The following TSPAN3 variants were observed in gnomAD, a reference collection of about 807,000 sequenced individuals.
TSPAN3 encodes tetraspanin 3, also known as tetraspanin-3.
TSPAN3 carries 9 observed loss-of-function variants against 31.1 expected under a neutral mutation model. The ratio of observed to expected loss-of-function variants is 0.29; its 90% CI spans 0.17 to 0.50. The LOEUF is 0.50. Ranked by LOEUF, TSPAN3 falls within the 20% of genes least tolerant of loss-of-function variation. The probability of loss-of-function intolerance (pLI) is 0.98; values close to 1 mark genes in which losing one functional copy is unlikely to be tolerated. For missense variants in TSPAN3, 252 were observed against 313.5 expected (o/e 0.80, Z 1.48); for synonymous variants, 129 against 114.3 (o/e 1.13, Z -0.82).
At chr15:77,066,194 A>T (rs1281819685) in intron 1 of TSPAN3, among the ~76,000 whole-genome samples, 1 of 152,238 alleles carries the variant, frequency 6.6e-6, no homozygotes, top group Non-Finnish European at 1.5e-5. Context: ...CTCTTTGGTC[A>T]GATTAAATGA....
chr15:77,050,769 G>C (rs1009758516), intron 6 of TSPAN3, among the ~76,000 whole-genome samples: 13 of 152,148 alleles, frequency 8.5e-5, no homozygotes, highest in African/African-American at 3.1e-4. Context: ...ATCAAAATAT[G>C]AAATAAATCC....
chr15:77,070,994 GC>G lies in TSPAN3; in HGVS notation c.-41del. 7.3e-7 allele frequency: 1 copy of G among 1,369,396 alleles called. No homozygotes were observed. The highest frequency in any genetic ancestry group is 9.5e-7 in the Non-Finnish European group (1 of 1,051,506). 84.8% of individuals were successfully genotyped at this position (1,369,396 alleles called of 1,614,324 possible). A position where few individuals can be genotyped will look rare whatever the true frequency, so the allele number is the denominator to read the frequency against. On this transcript the variant is annotated 5_prime_UTR_variant, in exon 1 of 7. Coordinates refer to ENST00000267970, the MANE Select transcript of TSPAN3 (RefSeq NM_005724.6). ...GCGAAGGCCCGGCCCGGAGAGCGGG[GC>G]TGCGCTCACCGAGAGAGCGGCAATG...
chr15:77,068,027 G>T (rs1406676028), intron 1 of TSPAN3: 2 of 152,222 alleles, frequency 1.3e-5, no homozygotes, highest in African/African-American at 4.8e-5. Flanking sequence ...AGATGGGAAA[G>T]CTGTGAGGAT....
At chr15:77,051,397 G>A (rs1169408737) in intron 6 of TSPAN3, among the ~76,000 whole-genome samples, 4 of 151,808 alleles carry the variant, frequency 2.6e-5, no homozygotes, top group South Asian at 2.1e-4. Flanking sequence ...GCATGGTAGC[G>A]GGAACCTGTA....
At chr15:77,055,121 G>A (rs1475752294) in intron 3 of TSPAN3, 1 of 152,092 alleles carries the variant, frequency 6.6e-6, no homozygotes, top group Non-Finnish European at 1.5e-5. Context: ...AAACCATTAA[G>A]TTATAATGAG....
In TSPAN3 at chr15:77,052,386, T is replaced by G; in HGVS notation, c.668A>C (p.Gln223Pro). The G allele has an allele frequency of 6.2e-7, 1 of 1,614,132 alleles. No individual in the cohort carries two copies. The highest frequency in any genetic ancestry group is 8.5e-7 in the Non-Finnish European group (1 of 1,179,964). The change falls in exon 6 of 7, where the codon CAG becomes CCG. Residue 223 changes from glutamine (Q) to proline (P), a missense_variant and splice_region_variant. Transcript: ENST00000267970. ...IWAALAFAAI[Q>P]LLGMLCACIV... ...AACTCCTTGGCAAGCTGTGCTTACC[T>G]GAATAGCTGCAAATGCCAGTGCGGC...
At chr15:77,068,201 A>G (rs938858436) in intron 1 of TSPAN3, 10 of 152,182 alleles carry the variant, frequency 6.6e-5, no homozygotes, top group African/African-American at 2.4e-4. Flanking sequence ...ACTGTGACAC[A>G]TTTGCCCCCA....
rs961575043 is a variant in TSPAN3 at position 77,041,809 on chromosome 15, G to C, written c.*5026C>G. Reference sequence around the variant, plus strand: ...ACTAGATACAGGCAGTGGTTCTATAGCATGGTGAATGTACTCAAGGCAACT... The same window carrying C: ...ACTAGATACAGGCAGTGGTTCTATACCATGGTGAATGTACTCAAGGCAACT... On this transcript the variant is annotated 3_prime_UTR_variant, in exon 7 of 7. Coordinates refer to ENST00000267970, the MANE Select transcript of TSPAN3 (RefSeq NM_005724.6). The C allele has an allele frequency of 2.0e-5, 3 of 152,194 alleles. No homozygotes were observed. Among genetic ancestry groups the C allele is most frequent in the Non-Finnish European group, 4.4e-5 (3 of 68,040 alleles). 9.4% of individuals were successfully genotyped at this position (152,194 alleles called of 1,614,324 possible).
rs1361731820 is a variant in TSPAN3 at position 77,070,950 on chromosome 15, C to T, written c.5G>A (p.Gly2Asp). The T allele has an allele frequency of 2.1e-6, 3 of 1,437,968 alleles. No homozygotes were observed. The highest frequency in any genetic ancestry group is 2.8e-6 in the Non-Finnish European group (3 of 1,088,638). 89.1% of individuals were successfully genotyped at this position (1,437,968 alleles called of 1,614,324 possible). A position where few individuals can be genotyped will look rare whatever the true frequency, so the allele number is the denominator to read the frequency against. M[G>D]QCGITSSKTV... is the part of the protein sequence containing the mutation. Reference sequence around the variant, plus strand: ...CTTGGAGGAGGTGATGCCGCACTGGCCCATGGCGCCGGTGGCCCGCGAAGG... The same window carrying T: ...CTTGGAGGAGGTGATGCCGCACTGGTCCATGGCGCCGGTGGCCCGCGAAGG... The change falls in exon 1 of 7, where the codon GGC (glycine) becomes GAC (aspartate). Residue 2 changes from glycine (G) to aspartate (D), a missense_variant. Coordinates refer to ENST00000267970, the MANE Select transcript of TSPAN3 (RefSeq NM_005724.6).
At chr15:77,068,679 T>TA (rs1233353658) in intron 1 of TSPAN3, among the ~76,000 whole-genome samples, 2 of 152,300 alleles carry the variant, frequency 1.3e-5, no homozygotes, top group East Asian at 3.9e-4. Context: ...TTTTTCCTTT[T>TA]AAAAAAGCCT....
intron 3 of TSPAN3, chr15:77,055,264 G>GA (rs1339720448): frequency 1.3e-5 from 2 of 152,678 alleles, no homozygotes; most frequent in Non-Finnish European, 2.9e-5. Context: ...AAGGAACGGT[G>GA]AAATGATTAA....
Position 77,046,815 on chromosome 15 carries a change from G to C in TSPAN3, c.*20C>G. 5 of 1,562,836 alleles carry C rather than the reference G, an allele frequency of 3.2e-6. No individual in the cohort carries two copies. Among genetic ancestry groups the C allele is most frequent in the Non-Finnish European group, 4.4e-6 (5 of 1,146,910 alleles). ...TTCCAAATCAGAACAAGACCAAAAA[G>C]CTCAGGCTTGAGTTGTCAACTATGC... On this transcript the variant is annotated 3_prime_UTR_variant, in exon 7 of 7. Coordinates refer to ENST00000267970, the MANE Select transcript of TSPAN3 (RefSeq NM_005724.6).
chr15:77,052,994 C>T (rs916093271), intron 4 of TSPAN3, 65 bp from the exon 5 acceptor site: 1 of 1,484,960 alleles, frequency 6.7e-7, no homozygotes, highest in Non-Finnish European at 9.2e-7. Context: ...CCATGTACTA[C>T]AGAGCTTTAA....
At chr15:77,056,976 G>A (rs1307456173) in intron 1 of TSPAN3, among the ~76,000 whole-genome samples, 3 of 152,240 alleles carry the variant, frequency 2.0e-5, no homozygotes, top group Non-Finnish European at 1.5e-5. Context: ...CAAGTTCCCA[G>A]GTGATGCTGG....
At chr15:77,056,340 G>T in intron 1 of TSPAN3, 85 bp from the exon 2 acceptor site, 1 of 1,078,338 alleles carries the variant, frequency 9.3e-7, no homozygotes, top group Non-Finnish European at 1.3e-6. Flanking sequence ...AATTTAATGA[G>T]AGTTACCGTA....
chr15:77,070,916 C>T lies in TSPAN3; in HGVS notation c.39G>A (p.Leu13=). The T allele has an allele frequency of 7.0e-7, 1 of 1,434,104 alleles. No individual in the cohort carries two copies. Among genetic ancestry groups the T allele is most frequent in the Non-Finnish European group, 9.2e-7 (1 of 1,084,490 alleles). 88.8% of individuals were successfully genotyped at this position (1,434,104 alleles called of 1,614,324 possible). A position where few individuals can be genotyped will look rare whatever the true frequency, so the allele number is the denominator to read the frequency against. Residue 13 remains leucine, a synonymous_variant, in exon 1 of 7, where the codon CTG becomes CTA. Transcript: ENST00000267970. ...QCGITSSKTV[L]VFLNLIFWGA... ...CCCAGAAGATGAGGTTGAGAAAGAC[C>T]AGCACGGTCTTGGAGGAGGTGATGC... is the stretch of plus-strand genomic sequence containing the variant.
intron 1 of TSPAN3, among the ~76,000 whole-genome samples, chr15:77,063,027 T>C (rs555615778): frequency 1.3e-4 from 20 of 152,352 alleles, no homozygotes; most frequent in African/African-American, 4.8e-4. Context: ...ACTTGCATAA[T>C]TAGAATAATA....
chr15:77,051,256 G>A (rs558962944), intron 6 of TSPAN3, among the ~76,000 whole-genome samples: 2 of 151,946 alleles, frequency 1.3e-5, no homozygotes, highest in South Asian at 2.1e-4. Flanking sequence ...GGCTGGGCGC[G>A]ATGGCTCACG....
intron 1 of TSPAN3, among the ~76,000 whole-genome samples, chr15:77,069,601 G>A (rs1432282988): frequency 6.6e-6 from 1 of 152,126 alleles, no homozygotes; most frequent in African/African-American, 2.4e-5. Flanking sequence ...ACACACAAAC[G>A]CCCCGAAGGA....
Sources: gnomAD v4.1 joint callset for allele counts (sites outside exome capture counted in the v4.1 genomes callset) on GRCh38, gnomAD v4.1.1 for gene constraint, MANE v1.5 for transcripts, NCBI Gene and HGNC (gene_info 2026-07-23, HGNC 2026-07-21) for gene names.